LAMA2: variants seen among roughly 807,000 people sequenced by gnomAD.
The protein encoded by LAMA2 is laminin subunit alpha-2.
LAMA2 carries 269 observed loss-of-function variants against 364.8 expected under a neutral mutation model. The ratio of observed to expected loss-of-function variants is 0.74; its 90% confidence interval spans 0.67 to 0.82. LAMA2 has a LOEUF of 0.82. LAMA2 is among the 40% of genes least tolerant of loss of function. LAMA2 has a pLI of 0.00. For missense variants in LAMA2, 3,807 were observed against 3,873.2 expected (o/e 0.98, Z 0.45); for synonymous variants, 1,379 against 1,370.6 (o/e 1.01, Z -0.14).
At chr6:129,139,027 T>C (rs1777964303) in intron 4 of LAMA2, among the ~76,000 whole-genome samples, 1 of 152,086 alleles carries the variant, frequency 6.6e-6, no homozygotes, top group East Asian at 1.9e-4. Context: ...AGGTCAAATA[T>C]GGTGAGAACT....
At chr6:128,905,172 T>C (rs1369201412) in intron 1 of LAMA2, among the ~76,000 whole-genome samples, 1 of 152,202 alleles carries the variant, frequency 6.6e-6, no homozygotes, top group Non-Finnish European at 1.5e-5. Flanking sequence ...CATAAACCAA[T>C]TTTATTTTCA....
chr6:129,272,556 T>G (rs1788012681), intron 17 of LAMA2, among the ~76,000 whole-genome samples: 1 of 152,126 alleles, frequency 6.6e-6, no homozygotes, highest in African/African-American at 2.4e-5. Flanking sequence ...AATGAAGACT[T>G]CTTTAAAAAA....
rs140483001 is a variant in LAMA2 at position 129,473,308 on chromosome 6, T to C, written c.7395T>C (p.Asp2465=). 9.3e-5 allele frequency: 150 copies of C among 1,612,516 alleles called. No homozygotes were observed. The highest frequency in any genetic ancestry group is 1.2e-4 in the Non-Finnish European group (143 of 1,179,004). Residue 2465 remains aspartate, a synonymous_variant, in exon 52 of 65, where the codon GAT becomes GAC. Transcript: ENST00000421865. Reference sequence around the variant, plus strand: ...ACTTTGGTCTTGACTTGAAAGCAGATGACAAAATATATTTTGGTGGCCTGC... The same window carrying C: ...ACTTTGGTCTTGACTTGAAAGCAGACGACAAAATATATTTTGGTGGCCTGC... ...GNNFGLDLKA[D]DKIYFGGLPT... is the part of the protein sequence containing the mutation.
chr6:129,044,569 A>T (rs982119645), intron 1 of LAMA2, among the ~76,000 whole-genome samples: 1 of 151,264 alleles, frequency 6.6e-6, no homozygotes. Flanking sequence ...ATATATATAT[A>T]TACACTATAG....
intron 1 of LAMA2, among the ~76,000 whole-genome samples, chr6:128,960,635 C>T (rs1342917266): frequency 6.6e-6 from 1 of 152,236 alleles, no homozygotes; most frequent in Non-Finnish European, 1.5e-5. Context: ...GCTGGGATTA[C>T]AGGCGTGAGC....
chr6:129,005,859 A>G (rs1784417624), intron 1 of LAMA2, among the ~76,000 whole-genome samples: 1 of 151,352 alleles, frequency 6.6e-6, no homozygotes, highest in African/African-American at 2.4e-5. Flanking sequence ...TTATATATAT[A>G]AACGCTTGGC....
chr6:129,149,136 T>C (rs1182991198), intron 7 of LAMA2, 40 bp downstream of exon 7: 1 of 1,260,992 alleles, frequency 7.9e-7, no homozygotes, highest in Admixed American at 1.7e-5. Flanking sequence ...TCATTCTTCC[T>C]TTCCAAGAAA....
intron 12 of LAMA2, among the ~76,000 whole-genome samples, chr6:129,229,008 A>G (rs149968008): frequency 1.3e-5 from 2 of 152,334 alleles, no homozygotes; most frequent in African/African-American, 4.8e-5. Flanking sequence ...TATTCAATGT[A>G]TGTATTCATT....
intron 1 of LAMA2, among the ~76,000 whole-genome samples, chr6:128,981,611 C>T (rs1337462664): frequency 6.8e-6 from 1 of 147,272 alleles, no homozygotes; most frequent in Non-Finnish European, 1.5e-5. Flanking sequence ...AATTGCTGGG[C>T]TTGGTGGTTG....
At chr6:129,070,037 A>G (rs1358341070) in intron 3 of LAMA2, among the ~76,000 whole-genome samples, 1 of 152,014 alleles carries the variant, frequency 6.6e-6, no homozygotes, top group African/African-American at 2.4e-5. Context: ...GGCTGGAGTG[A>G]GACTAAGGAG....
chr6:129,354,873 T>G (rs1777063964), intron 32 of LAMA2, among the ~76,000 whole-genome samples: 1 of 152,204 alleles, frequency 6.6e-6, no homozygotes, highest in African/African-American at 2.4e-5. Context: ...GAAATCGTAA[T>G]TCATCTTTTC....
chr6:129,516,393 T>C lies in LAMA2; in HGVS notation c.*46T>C, dbSNP rs376934472. 138 of 1,574,022 alleles carry C rather than the reference T, an allele frequency of 8.8e-5. No individual in the cohort carries two copies. Among genetic ancestry groups the C allele is most frequent in the Non-Finnish European group, 1.1e-4 (122 of 1,147,784 alleles). On this transcript the variant is annotated 3_prime_UTR_variant, in exon 65 of 65. Coordinates refer to ENST00000421865, the MANE Select transcript of LAMA2 (RefSeq NM_000426.4). ...GGAAGAGTCTGTCAAAACAAGTATA[T>C]CAAGTAAAACAAACAAATATATTTT...
intron 1 of LAMA2, among the ~76,000 whole-genome samples, chr6:128,888,053 G>C (rs535295239): frequency 6.6e-6 from 1 of 152,232 alleles, no homozygotes; most frequent in East Asian, 1.9e-4. Flanking sequence ...GAAGATTCGG[G>C]TTTAGGATTT....
At chr6:128,932,703 A>T (rs1779556358) in intron 1 of LAMA2, among the ~76,000 whole-genome samples, 1 of 152,216 alleles carries the variant, frequency 6.6e-6, no homozygotes. Context: ...TAGAGGTATA[A>T]TTGACAATTA....
chr6:129,397,192 A>G (rs944266794), intron 37 of LAMA2, among the ~76,000 whole-genome samples: 2 of 152,142 alleles, frequency 1.3e-5, no homozygotes, highest in Non-Finnish European at 2.9e-5. Flanking sequence ...ATCAACCTTC[A>G]TATCCAAACA....
At chr6:129,063,146 G>GC (rs376834780) in intron 3 of LAMA2, among the ~76,000 whole-genome samples, 214 of 151,988 alleles carry the variant, frequency 1.4e-3, no homozygotes, top group African/African-American at 4.7e-3. Context: ...CAATATCTTG[G>GC]CAAGAAAATT....
At chr6:129,048,551 TTCTC>T (rs35969474) in intron 1 of LAMA2, among the ~76,000 whole-genome samples, 2 of 99,028 alleles carry the variant, frequency 2.0e-5, no homozygotes, top group African/African-American at 9.8e-5. Flanking sequence ...CTTTCTTTCT[TTCTC>T]TCTCTCTCTC....
At chr6:129,117,341 T>C (rs1776536696) in intron 4 of LAMA2, among the ~76,000 whole-genome samples, 2 of 152,200 alleles carry the variant, frequency 1.3e-5, no homozygotes, top group Admixed American at 1.3e-4. Context: ...TTTTACTCAA[T>C]GATGATTCAT....
intron 3 of LAMA2, among the ~76,000 whole-genome samples, chr6:129,070,822 C>T (rs1450619503): frequency 6.6e-6 from 1 of 152,102 alleles, no homozygotes; most frequent in African/African-American, 2.4e-5. Context: ...ATGAAACATG[C>T]ATTTTCAGTG....
Sources: gnomAD v4.1 joint callset for allele counts (sites outside exome capture counted in the v4.1 genomes callset) on GRCh38, gnomAD v4.1.1 for gene constraint, MANE v1.5 for transcripts, NCBI Gene and HGNC (gene_info 2026-07-23, HGNC 2026-07-21) for gene names.